The following ADCY8 variants were observed in gnomAD, a reference collection of about 807,000 sequenced individuals.
ADCY8 encodes the protein adenylate cyclase 8, also known as adenylate cyclase type 8.
In ADCY8, 51 loss-of-function variants were observed where a neutral mutation model predicts 119.7. The observed-to-expected ratio is 0.43, with a 90% CI of 0.34 to 0.54. The LOEUF (loss-of-function observed/expected upper bound fraction) is 0.54, where lower values mean the gene tolerates loss of function less well. Among genes scored for constraint, ADCY8 ranks in the 20% least tolerant of loss-of-function variants. The probability of loss-of-function intolerance (pLI) is 0.03; values close to 1 mark genes in which losing one functional copy is unlikely to be tolerated. For missense variants in ADCY8, 1,383 were observed against 1,598.8 expected, an observed-to-expected ratio of 0.87 and a Z score of 2.30; for synonymous variants, 665 against 651.0, an observed-to-expected ratio of 1.02 and a Z score of -0.33.
intron 17 of ADCY8, among the ~76,000 whole-genome samples, chr8:130,781,992 T>G (rs572268850): frequency 1.2e-4 from 19 of 152,056 alleles, no homozygotes; most frequent in Non-Finnish European, 2.5e-4. Context: ...AGATAGAAAA[T>G]AATTTTACAA....
chr8:130,943,744 T>G (rs964793193), intron 3 of ADCY8, among the ~76,000 whole-genome samples: 1 of 152,190 alleles, frequency 6.6e-6, no homozygotes, highest in Non-Finnish European at 1.5e-5. Flanking sequence ...CAAAAGAATT[T>G]GTCACCATGA....
intron 2 of ADCY8, among the ~76,000 whole-genome samples, chr8:130,964,630 T>C (rs931164399): frequency 6.6e-6 from 1 of 152,236 alleles, no homozygotes; most frequent in Non-Finnish European, 1.5e-5. Context: ...GTCACTCTGA[T>C]AATTTTGAAA....
intron 5 of ADCY8, among the ~76,000 whole-genome samples, chr8:130,932,690 T>C (rs1820666467): frequency 6.6e-6 from 1 of 152,214 alleles, no homozygotes; most frequent in Non-Finnish European, 1.5e-5. Flanking sequence ...GAATACTTGC[T>C]CAAATTGATG....
chr8:130,943,924 A>G (rs1365353475), intron 3 of ADCY8, among the ~76,000 whole-genome samples: 1 of 152,212 alleles, frequency 6.6e-6, no homozygotes, highest in Non-Finnish European at 1.5e-5. Flanking sequence ...CCGTACCCAA[A>G]ATGGCAGGTA....
In ADCY8 at chr8:130,839,417, G is replaced by A. The variant is rs150627369; in HGVS notation, c.2503-2968C>T. Among the ~76,000 whole-genome samples, 49 of 139,390 alleles carry A rather than the reference G, an allele frequency of 3.5e-4. 10 individuals carry two copies. The highest frequency in any genetic ancestry group is 7.3e-4 in the Admixed American group (10 of 13,618). 91.4% of individuals were successfully genotyped at this position (139,390 alleles called of 152,430 possible). On this transcript the variant is annotated intron_variant, in intron 11 of 17. Coordinates refer to ENST00000286355, the MANE Select transcript of ADCY8 (RefSeq NM_001115.3). ...GAACCTTTTGGAGGTGATATGAACC[G>A]TGGGACATCAAACAGAATGAGGCCC...
intron 7 of ADCY8, among the ~76,000 whole-genome samples, chr8:130,897,337 T>C (rs1339760273): frequency 6.6e-6 from 1 of 152,114 alleles, no homozygotes; most frequent in African/African-American, 2.4e-5. Flanking sequence ...TATAGTAACC[T>C]AAATATATTC....
At chr8:131,028,494 T>C (rs1823891634) in intron 1 of ADCY8, among the ~76,000 whole-genome samples, 1 of 152,142 alleles carries the variant, frequency 6.6e-6, no homozygotes, top group African/African-American at 2.4e-5. Context: ...GAGATTTGAC[T>C]TTAGAAGAAA....
chr8:130,831,018 A>G (rs10108440), intron 12 of ADCY8, among the ~76,000 whole-genome samples: 34,332 of 152,222 alleles, frequency 0.23, 3,950 homozygotes, highest in Admixed American at 0.26. Context: ...AAAACACTAA[A>G]TGCTTTGGAA....
chr8:130,806,565 T>A (rs1815965103), intron 14 of ADCY8, among the ~76,000 whole-genome samples: 1 of 152,062 alleles, frequency 6.6e-6, no homozygotes, highest in Non-Finnish European at 1.5e-5. Context: ...AGAGCAGTCA[T>A]CCCTCTAGGC....
At chr8:130,900,077 G>A (rs1254689524) in intron 7 of ADCY8, among the ~76,000 whole-genome samples, 3 of 152,176 alleles carry the variant, frequency 2.0e-5, no homozygotes, top group Admixed American at 6.5e-5. Flanking sequence ...TGGGATCTGA[G>A]TCAGGGTTCA....
intron 9 of ADCY8, among the ~76,000 whole-genome samples, chr8:130,867,148 G>A (rs564207072): frequency 3.3e-5 from 5 of 152,254 alleles, no homozygotes; most frequent in Admixed American, 3.3e-4. Context: ...AGAGGAAAAA[G>A]CATAGCTATT....
intron 1 of ADCY8, among the ~76,000 whole-genome samples, chr8:131,013,467 T>C (rs1036670993): frequency 6.6e-6 from 1 of 152,160 alleles, no homozygotes; most frequent in Non-Finnish European, 1.5e-5. Flanking sequence ...TAAAAACCGA[T>C]ATAGAGTTCT....
Position 130,780,324 on chromosome 8 carries a change from T to C in ADCY8, c.*66A>G. On this transcript the variant is annotated 3_prime_UTR_variant, in exon 18 of 18. Coordinates refer to ENST00000286355, the MANE Select transcript of ADCY8 (RefSeq NM_001115.3). Reference sequence around the variant, plus strand: ...CCTTGTTCTAAAAAAAATTAAACCTTTTTATTAGTATATTTATTTTATATA... The same window carrying C: ...CCTTGTTCTAAAAAAAATTAAACCTCTTTATTAGTATATTTATTTTATATA... 8.5e-7 allele frequency: 1 copy of C among 1,173,984 alleles called. No homozygotes were observed. Among genetic ancestry groups the C allele is most frequent in the Non-Finnish European group, 1.1e-6 (1 of 927,734 alleles). 72.7% of individuals were successfully genotyped at this position (1,173,984 alleles called of 1,614,324 possible).
chr8:130,822,544 A>C (rs1816545839), intron 12 of ADCY8, among the ~76,000 whole-genome samples: 1 of 49,302 alleles, frequency 2.0e-5, no homozygotes, highest in African/African-American at 5.3e-5. Context: ...GAATCCATCC[A>C]TCCATCCATC....
At chr8:131,007,328 C>T (rs189293142) in intron 1 of ADCY8, among the ~76,000 whole-genome samples, 170 of 152,068 alleles carry the variant, frequency 1.1e-3, no homozygotes, top group Non-Finnish European at 1.7e-3. Flanking sequence ...GAGGTAGGTC[C>T]TACCTCCTTA....
chr8:131,012,190 A>G (rs1465801558), intron 1 of ADCY8, among the ~76,000 whole-genome samples: 2 of 152,172 alleles, frequency 1.3e-5, no homozygotes, highest in Non-Finnish European at 2.9e-5. Context: ...TGGGTTCTTC[A>G]TGTCAAGTGA....
chr8:130,789,327 C>G (rs1393192173), intron 15 of ADCY8, among the ~76,000 whole-genome samples: 3 of 152,140 alleles, frequency 2.0e-5, no homozygotes, highest in Admixed American at 2.0e-4. Flanking sequence ...CTGTGCCTGG[C>G]CTCTCCTCTG....
intron 12 of ADCY8, among the ~76,000 whole-genome samples, chr8:130,831,665 A>C (rs1007943528): frequency 9.9e-5 from 15 of 152,212 alleles, no homozygotes; most frequent in African/African-American, 3.6e-4. Context: ...GAGAGATTTA[A>C]AAATCCTAAG....
intron 1 of ADCY8, among the ~76,000 whole-genome samples, chr8:131,009,982 C>T (rs1023172613): frequency 2.0e-5 from 3 of 152,180 alleles, no homozygotes; most frequent in Non-Finnish European, 4.4e-5. Flanking sequence ...AAATGCCTCA[C>T]ATTATAGTGC....
Sources: allele counts gnomAD v4.1 joint callset (sites outside exome capture counted in the v4.1 genomes callset), GRCh38; gene constraint gnomAD v4.1.1; transcripts MANE v1.5; gene names NCBI Gene and HGNC (gene_info 2026-07-23, HGNC 2026-07-21).